The following NOS1 variants were observed in gnomAD, a reference collection of about 807,000 sequenced individuals.
The protein encoded by NOS1 is nitric oxide synthase 1.
Under a neutral mutation model 164.5 loss-of-function variants are expected in NOS1, and 51 were observed. The observed-to-expected ratio is 0.31, with a 90% CI of 0.25 to 0.39. NOS1 has a LOEUF of 0.39. Ranked by LOEUF, NOS1 falls within the 10% of genes least tolerant of loss-of-function variation. The probability of loss-of-function intolerance (pLI) is 1.00; values close to 1 mark genes in which losing one functional copy is unlikely to be tolerated. For synonymous variants in NOS1, 719 were observed against 745.8 expected (o/e 0.96, Z 0.59); for missense variants, 1,362 against 1,885.6 (o/e 0.72, Z 5.14).
Position 117,217,964 on chromosome 12 carries a change from G to A in NOS1, c.4289+82C>T, listed in dbSNP as rs2135919697. ...GCTGCTGTTTTGGGGACCCTGCCGTGGGAAAGCCAGACATTCCTGCCCAGT... is the reference window on the plus strand; with the variant it reads ...GCTGCTGTTTTGGGGACCCTGCCGTAGGAAAGCCAGACATTCCTGCCCAGT... On this transcript the variant is annotated intron_variant, in intron 28 of 28. Transcript: ENST00000317775. 18 of 1,014,508 alleles carry A rather than the reference G, an allele frequency of 1.8e-5. No homozygotes were observed. In the South Asian group the frequency reaches 2.4e-4, roughly 14 times the overall value. 62.8% of individuals were successfully genotyped at this position (1,014,508 alleles called of 1,614,324 possible).
At chr12:117,218,634 C>T (rs917193373) in intron 27 of NOS1, among the ~76,000 whole-genome samples, 2 of 152,098 alleles carry the variant, frequency 1.3e-5, no homozygotes, top group African/African-American at 4.8e-5. Context: ...CAGCTACCCA[C>T]AGTGGAGACT....
At chr12:117,226,839 G>T in intron 23 of NOS1, 69 bp from the exon 24 acceptor site, 1 of 1,208,484 alleles carries the variant, frequency 8.3e-7, no homozygotes, top group Non-Finnish European at 1.2e-6. Flanking sequence ...CCTCCCTCCA[G>T]TGCAAAATAC....
At chr12:117,326,151 C>A (rs113596099) in intron 2 of NOS1, among the ~76,000 whole-genome samples, 1 of 151,030 alleles carries the variant, frequency 6.6e-6, no homozygotes, top group Non-Finnish European at 1.5e-5. Context: ...TTTGGGAGGC[C>A]GAGACGGGCG....
chr12:117,244,431 G>T (rs2135956654), intron 18 of NOS1, among the ~76,000 whole-genome samples: 1 of 152,096 alleles, frequency 6.6e-6, no homozygotes. Flanking sequence ...TAGAGACAGG[G>T]TTTCGCCATG....
intron 28 of NOS1, 21 bp downstream of exon 28, chr12:117,218,025 C>T: frequency 6.4e-7 from 1 of 1,555,856 alleles, no homozygotes. Flanking sequence ...TGCCCCTCAC[C>T]CAGGGATGGA....
chr12:117,259,617 G>A (rs1165713501), intron 14 of NOS1, among the ~76,000 whole-genome samples: 1 of 152,176 alleles, frequency 6.6e-6, no homozygotes, highest in Non-Finnish European at 1.5e-5. Flanking sequence ...CTTCTGGAAA[G>A]ATGATTGCCC....
intron 17 of NOS1, among the ~76,000 whole-genome samples, chr12:117,250,994 C>T (rs1458756426): frequency 6.6e-6 from 1 of 152,134 alleles, no homozygotes; most frequent in Non-Finnish European, 1.5e-5. Context: ...GTTTGTGTCT[C>T]CCCCAGATTC....
chr12:117,320,631 T>C (rs907474231), intron 2 of NOS1, among the ~76,000 whole-genome samples: 3 of 152,162 alleles, frequency 2.0e-5, no homozygotes, highest in African/African-American at 7.2e-5. Context: ...CATAGGAAGC[T>C]GATACAATGA....
At chr12:117,287,274 C>T (rs1282146478) in intron 5 of NOS1, among the ~76,000 whole-genome samples, 1 of 152,108 alleles carries the variant, frequency 6.6e-6, no homozygotes, top group East Asian at 1.9e-4. Context: ...TATCCTTTTA[C>T]AATTTATCCT....
Position 117,286,154 on chromosome 12 carries a change from A to C in NOS1, c.1240T>G (p.Trp414Gly). Residue 414 changes from tryptophan to glycine, a missense_variant, in exon 6 of 29, where the codon TGG (tryptophan) becomes GGG (glycine). Trp to Gly is a radical substitution (Grantham distance 184). Around this residue, in one of 4 missense-constraint regions of NOS1, gnomAD observed 129 missense variants for 186.0 expected, o/e 0.69. Transcript: ENST00000317775. ...CCCACACAGCGCGAGGCATTCCGCC[A>C]GGCGTGCTTGGCCCCATAGATGAGC... ...TELIYGAKHAWRNASRCVGRI... is the reference protein window; with the variant it reads ...TELIYGAKHAGRNASRCVGRI... 1 of 1,614,210 alleles carries C rather than the reference A, an allele frequency of 6.2e-7. No homozygotes were observed. Among genetic ancestry groups the C allele is most frequent in the Non-Finnish European group, 8.5e-7 (1 of 1,180,044 alleles).
chr12:117,222,964 T>G, intron 25 of NOS1, 101 bp from the exon 26 acceptor site: 2 of 1,367,196 alleles, frequency 1.5e-6, no homozygotes, highest in Non-Finnish European at 2.0e-6. Flanking sequence ...GCGTGTGCCA[T>G]GCGGATAGAG....
intron 3 of NOS1, chr12:117,305,146 T>C: frequency 2.2e-6 from 2 of 889,350 alleles, no homozygotes; most frequent in Non-Finnish European, 2.7e-6. Context: ...AAGCCATAAA[T>C]GTGGGTTACA....
At chr12:117,334,916 C>T (rs188193441) in intron 1 of NOS1, among the ~76,000 whole-genome samples, 16 of 152,254 alleles carry the variant, frequency 1.1e-4, no homozygotes, top group Admixed American at 7.8e-4. Context: ...GAGAGCTGGC[C>T]GCCTCCTGCC....
intron 19 of NOS1, 75 bp from the exon 20 acceptor site, chr12:117,242,780 G>T: frequency 7.4e-7 from 1 of 1,355,308 alleles, no homozygotes; most frequent in Non-Finnish European, 1.1e-6. Flanking sequence ...GTGGGGCAAC[G>T]TGGCTCACGC....
At chr12:117,354,858 G>A (rs1366116967) in intron 1 of NOS1, among the ~76,000 whole-genome samples, 2 of 152,230 alleles carry the variant, frequency 1.3e-5, no homozygotes, top group African/African-American at 4.8e-5. Context: ...AAATGAAGAA[G>A]TGGTTAACTT....
At chr12:117,217,049 T>C (rs1288907499) in intron 28 of NOS1, among the ~76,000 whole-genome samples, 1 of 152,090 alleles carries the variant, frequency 6.6e-6, no homozygotes, top group Non-Finnish European at 1.5e-5. Flanking sequence ...GAAATTACGA[T>C]CAAGGTTGCC....
At chr12:117,238,000 C>T (rs1420777931) in intron 20 of NOS1, among the ~76,000 whole-genome samples, 1 of 152,024 alleles carries the variant, frequency 6.6e-6, no homozygotes, top group Non-Finnish European at 1.5e-5. Context: ...GACCTGCAGG[C>T]ACAGCATTCC....
intron 1 of NOS1, among the ~76,000 whole-genome samples, chr12:117,335,763 A>AGAGAGAGAGAGAGAGAGAGG (rs1566081635): frequency 3.3e-4 from 44 of 131,380 alleles, no homozygotes; most frequent in African/African-American, 1.2e-3. Flanking sequence ...AGAGAGAGAG[A>AGAGAGAGAGAGAGAGAGAGG]GAGAGAGACA....
At chr12:117,248,814 C>T (rs1040387980) in intron 17 of NOS1, among the ~76,000 whole-genome samples, 23 of 151,620 alleles carry the variant, frequency 1.5e-4, no homozygotes, top group South Asian at 8.3e-4. Flanking sequence ...GTCCCACCAA[C>T]GGTGTAAAAG....
Sources: gnomAD v4.1 joint callset for allele counts (sites outside exome capture counted in the v4.1 genomes callset) on GRCh38, gnomAD v4.1.1 for gene constraint, gnomAD v4.1.1 regional missense constraint, MANE v1.5 for transcripts, NCBI Gene and HGNC (gene_info 2026-07-23, HGNC 2026-07-21) for gene names.